Variants in LRMDA observed in about 807,000 individuals in gnomAD.
LRMDA encodes the protein leucine-rich melanocyte differentiation-associated protein.
LRMDA carries 18 observed loss-of-function variants against 29.8 expected under a neutral mutation model. That is an observed-to-expected ratio of 0.60 (90% CI 0.42 to 0.90). The LOEUF is 0.90. Ranked by LOEUF, LRMDA falls within the 40% of genes least tolerant of loss-of-function variation. The pLI is 0.00. For missense variants in LRMDA, 273 were observed against 273.9 expected (o/e 1.00, Z 0.02); for synonymous variants, 125 against 109.4 (o/e 1.14, Z -0.89).
At position 75,443,857 on chromosome 10, in the gene LRMDA, C is replaced by T. The variant is rs981112622; in HGVS notation, c.131+5363C>T. Among the ~76,000 whole-genome samples, 4 of 152,154 alleles carry T rather than the reference C, an allele frequency of 2.6e-5. No homozygotes were observed. In the East Asian group the frequency reaches 7.7e-4, roughly 29 times the overall value. On this transcript the variant is annotated intron_variant, in intron 2 of 6. Transcript: ENST00000611255. ...GGAGATTTTTGATTATTTATTTAAT[C>T]TCCCTATTATTGATCTGCTTGGGTG...
intron 2 of LRMDA, among the ~76,000 whole-genome samples, chr10:75,618,900 A>G (rs1841145155): frequency 1.3e-5 from 2 of 151,586 alleles, no homozygotes; most frequent in East Asian, 3.9e-4. Flanking sequence ...CTCCTGCCTC[A>G]GCCTCCCAAG....
At chr10:76,307,910 C>CT (rs1183187617) in intron 5 of LRMDA, among the ~76,000 whole-genome samples, 1 of 152,102 alleles carries the variant, frequency 6.6e-6, no homozygotes, top group Non-Finnish European at 1.5e-5. Context: ...ACTTAAAGCA[C>CT]TTTGAGGTGG....
At chr10:75,492,501 T>C (rs1421434528) in intron 2 of LRMDA, among the ~76,000 whole-genome samples, 2 of 152,204 alleles carry the variant, frequency 1.3e-5, no homozygotes, top group African/African-American at 2.4e-5. Flanking sequence ...GTATGGCATA[T>C]GTGAGTGGGG....
At chr10:75,449,419 T>TA (rs145289238) in intron 2 of LRMDA, among the ~76,000 whole-genome samples, 1,739 of 152,282 alleles carry the variant, frequency 0.011, 39 homozygotes, top group African/African-American at 0.04. Context: ...GCTTTACAGT[T>TA]ATCCTAAACT....
rs115446171 is a variant in LRMDA, at chr10:76,459,788, A to T, written c.602-97421A>T. 5.1e-3 allele frequency among the ~76,000 whole-genome samples: 772 copies of T among 151,990 alleles called. 1 individual carries two copies. Among genetic ancestry groups the T allele is most frequent in the African/African-American group, 0.018 (728 of 41,432 alleles). On this transcript the variant is annotated intron_variant, in intron 6 of 6. Transcript: ENST00000611255. Reference sequence around the variant, plus strand: ...CTTTTGTTTTTTTAATTTTATTATTATTATACTTTAAGTTTTGGGGTACAA... The same window carrying T: ...CTTTTGTTTTTTTAATTTTATTATTTTTATACTTTAAGTTTTGGGGTACAA...
At chr10:75,764,673 A>G (rs1288723503) in intron 2 of LRMDA, among the ~76,000 whole-genome samples, 1 of 152,216 alleles carries the variant, frequency 6.6e-6, no homozygotes, top group African/African-American at 2.4e-5. Context: ...GCTAACAGAC[A>G]GATAGACGGG....
chr10:76,285,789 A>T (rs182744731), intron 5 of LRMDA, among the ~76,000 whole-genome samples: 2 of 152,212 alleles, frequency 1.3e-5, no homozygotes, highest in Admixed American at 6.5e-5. Flanking sequence ...TTCTCCCTCT[A>T]GAGTACTAGT....
chr10:76,258,063 G>A (rs1442130642), intron 5 of LRMDA, among the ~76,000 whole-genome samples: 1 of 152,160 alleles, frequency 6.6e-6, no homozygotes, highest in Non-Finnish European at 1.5e-5. Context: ...TTGTTACATG[G>A]CCAAGTCCAC....
In LRMDA at chr10:75,650,313, G is replaced by T. The variant is rs571030361; in HGVS notation, c.131+211819G>T. On this transcript the variant is annotated intron_variant, in intron 2 of 6. Coordinates refer to ENST00000611255, the MANE Select transcript of LRMDA (RefSeq NM_001305581.2). ...ATTTTTGTAGATAGTGTTAGGTAAG[G>T]GTCCAACTCACTTTTTTGGCATGTG... Among the ~76,000 whole-genome samples, 22 of 152,190 alleles carry T rather than the reference G, an allele frequency of 1.4e-4. No homozygotes were observed. In the South Asian group the frequency reaches 4.6e-3, roughly 32 times the overall value.
chr10:76,486,606 G>T (rs1842784782), intron 6 of LRMDA, among the ~76,000 whole-genome samples: 1 of 151,782 alleles, frequency 6.6e-6, no homozygotes, highest in Non-Finnish European at 1.5e-5. Flanking sequence ...TTCTTTCAGG[G>T]TTTTATTACT....
chr10:76,311,561 G>A (rs1840629655), intron 5 of LRMDA, among the ~76,000 whole-genome samples: 1 of 152,078 alleles, frequency 6.6e-6, no homozygotes, highest in African/African-American at 2.4e-5. Flanking sequence ...ATATTTTAAG[G>A]CCCCATAAAA....
intron 2 of LRMDA, among the ~76,000 whole-genome samples, chr10:75,740,255 C>T (rs1040386292): frequency 1.3e-4 from 20 of 152,186 alleles, no homozygotes; most frequent in African/African-American, 4.1e-4. Flanking sequence ...CAAATGCTGA[C>T]GCAGACCGAC....
intron 2 of LRMDA, among the ~76,000 whole-genome samples, chr10:75,603,127 C>A (rs1840908683): frequency 2.0e-5 from 3 of 151,590 alleles, no homozygotes; most frequent in Non-Finnish European, 1.5e-5. Flanking sequence ...ATAGCAATGG[C>A]TTATATATTT....
At chr10:76,526,498 T>C (rs1843175713) in intron 6 of LRMDA, among the ~76,000 whole-genome samples, 1 of 152,158 alleles carries the variant, frequency 6.6e-6, no homozygotes, top group African/African-American at 2.4e-5. Context: ...GATGTCTGTC[T>C]CTTTCTCATT....
intron 2 of LRMDA, among the ~76,000 whole-genome samples, chr10:76,013,921 A>T (rs1010357666): frequency 4.7e-5 from 7 of 150,204 alleles, no homozygotes; most frequent in African/African-American, 1.7e-4. Flanking sequence ...GGCTGCTTGA[A>T]CCTTCTCAGC....
At chr10:75,585,422 G>T (rs1840644603) in intron 2 of LRMDA, among the ~76,000 whole-genome samples, 1 of 152,124 alleles carries the variant, frequency 6.6e-6, no homozygotes, top group Non-Finnish European at 1.5e-5. Flanking sequence ...TGCAGTTTTT[G>T]GTTATTTTGA....
intron 5 of LRMDA, among the ~76,000 whole-genome samples, chr10:76,188,427 T>C (rs1024166157): frequency 7.2e-5 from 11 of 152,166 alleles, no homozygotes; most frequent in Admixed American, 2.0e-4. Flanking sequence ...GACATGAATC[T>C]TTATTAGACC....
chr10:75,496,805 C>T (rs1845049457), intron 2 of LRMDA, among the ~76,000 whole-genome samples: 2 of 152,146 alleles, frequency 1.3e-5, no homozygotes, highest in Admixed American at 1.3e-4. Flanking sequence ...TATGGACCCA[C>T]TTCTCAGAAA....
chr10:76,455,798 C>T (rs993420106), intron 6 of LRMDA, among the ~76,000 whole-genome samples: 1 of 152,064 alleles, frequency 6.6e-6, no homozygotes, highest in African/African-American at 2.4e-5. Context: ...TCTTCTGGGA[C>T]CATCCTACTT....
Sources: allele counts gnomAD v4.1 joint callset (sites outside exome capture counted in the v4.1 genomes callset), GRCh38; gene constraint gnomAD v4.1.1; transcripts MANE v1.5; gene names NCBI Gene and HGNC (gene_info 2026-07-23, HGNC 2026-07-21).